Variants in PLEKHA7 observed in about 807,000 individuals in gnomAD.
The protein encoded by PLEKHA7 is pleckstrin homology domain-containing family A member 7.
In PLEKHA7, 104 loss-of-function variants were observed where a neutral mutation model predicts 170.0. The ratio of observed to expected loss-of-function variants is 0.61; its 90% CI spans 0.52 to 0.72. The LOEUF (loss-of-function observed/expected upper bound fraction) is 0.72. Ranked by LOEUF, PLEKHA7 falls within the 30% of genes least tolerant of loss-of-function variation. PLEKHA7 has a pLI of 0.00. For synonymous variants in PLEKHA7, 648 were observed against 660.8 expected, an observed-to-expected ratio of 0.98 and a Z score of 0.30; for missense variants, 1,615 against 1,671.7, an observed-to-expected ratio of 0.97 and a Z score of 0.59.
chr11:16,946,136 T>C (rs1310207231), intron 3 of PLEKHA7, among the ~76,000 whole-genome samples: 7 of 152,182 alleles, frequency 4.6e-5, no homozygotes, highest in Admixed American at 3.9e-4. Flanking sequence ...ACCCATGATC[T>C]TTCCCCGTCT....
chr11:16,845,060 G>GAGCCC (rs1318010100), intron 8 of PLEKHA7, among the ~76,000 whole-genome samples: 1 of 152,204 alleles, frequency 6.6e-6, no homozygotes, highest in Non-Finnish European at 1.5e-5. Context: ...GAGAACAGGG[G>GAGCCC]AGCCCAGCTT....
At chr11:16,838,628 C>T (rs565760582) in intron 9 of PLEKHA7, among the ~76,000 whole-genome samples, 71 of 148,686 alleles carry the variant, frequency 4.8e-4, no homozygotes, top group African/African-American at 1.7e-3. Flanking sequence ...AAAATTAAGA[C>T]ATAACATCAA....
At chr11:16,861,363 TAAA>T (rs11362528) in intron 4 of PLEKHA7, among the ~76,000 whole-genome samples, 1 of 145,092 alleles carries the variant, frequency 6.9e-6, no homozygotes. Context: ...CTATTAAAAT[TAAA>T]AAAAAAAAAA....
At chr11:16,849,250 T>A (rs1852719014) in intron 8 of PLEKHA7, among the ~76,000 whole-genome samples, 1 of 152,226 alleles carries the variant, frequency 6.6e-6, no homozygotes, top group African/African-American at 2.4e-5. Context: ...TTGCCTAGAA[T>A]CTACTTTCAC....
chr11:16,882,346 G>C (rs1430539642), intron 3 of PLEKHA7, among the ~76,000 whole-genome samples: 1 of 152,130 alleles, frequency 6.6e-6, no homozygotes, highest in African/African-American at 2.4e-5. Flanking sequence ...TTAAACCAAA[G>C]AAGCTCAAGC....
At chr11:16,956,136 G>A (rs1253024805) in intron 3 of PLEKHA7, among the ~76,000 whole-genome samples, 1 of 152,222 alleles carries the variant, frequency 6.6e-6, no homozygotes, top group Non-Finnish European at 1.5e-5. Context: ...TCTCATAACA[G>A]AGCAGCTCAG....
At chr11:16,905,040 T>C (rs1857566701) in intron 3 of PLEKHA7, among the ~76,000 whole-genome samples, 1 of 152,116 alleles carries the variant, frequency 6.6e-6, no homozygotes, top group African/African-American at 2.4e-5. Context: ...TTACTTGAGC[T>C]CAGGAGTTTG....
At position 16,791,551 on chromosome 11, in the gene PLEKHA7, C is replaced by T. The variant is rs1847857015; in HGVS notation, c.2746-352G>A. 2.0e-6 allele frequency: 1 copy of T among 497,918 alleles called. No homozygotes were observed. The highest frequency in any genetic ancestry group is 2.3e-5 in the Admixed American group (1 of 43,748). The allele number at this position is 497,918 out of a possible 1,614,324, so 30.8% of individuals were successfully genotyped here. ...GCACATCGCAGGCAGGCTGCTAACC[C>T]TGCCCTGACTTCCATGCTTATCACA... On this transcript the variant is annotated intron_variant, in intron 19 of 26. Transcript: ENST00000531066. The surrounding 1 kb of genome is among the most constrained non-coding windows in gnomAD (Gnocchi z 4.5).
At chr11:16,911,445 A>C (rs2136157391) in intron 3 of PLEKHA7, among the ~76,000 whole-genome samples, 1 of 152,326 alleles carries the variant, frequency 6.6e-6, no homozygotes, top group South Asian at 2.1e-4. Context: ...AGAAGGGGTA[A>C]GACTCAGGAC....
intron 3 of PLEKHA7, among the ~76,000 whole-genome samples, chr11:17,006,325 T>C (rs1419969993): frequency 1.7e-5 from 2 of 115,298 alleles, no homozygotes; most frequent in East Asian, 5.9e-4. Flanking sequence ...TGAAACTCCA[T>C]CTAAAAAAAA....
intron 3 of PLEKHA7, among the ~76,000 whole-genome samples, chr11:16,962,100 T>C (rs542013533): frequency 9.8e-5 from 15 of 152,352 alleles, no homozygotes; most frequent in African/African-American, 3.6e-4. Context: ...CCTAAAACAG[T>C]GCCCTGTGCT....
chr11:16,937,807 C>T (rs1860411866), intron 3 of PLEKHA7, among the ~76,000 whole-genome samples: 1 of 152,052 alleles, frequency 6.6e-6, no homozygotes, highest in African/African-American at 2.4e-5. Flanking sequence ...GGTGTTTCTC[C>T]ATGTTGGTCA....
chr11:16,854,770 TCAGA>T, intron 6 of PLEKHA7, 115 bp downstream of exon 6: 1 of 816,830 alleles, frequency 1.2e-6, no homozygotes, highest in Non-Finnish European at 2.0e-6. Flanking sequence ...TCCAGCTGCC[TCAGA>T]CAAACTCAGG....
chr11:16,849,636 G>GA (rs2135395775), intron 8 of PLEKHA7, among the ~76,000 whole-genome samples: 1 of 152,300 alleles, frequency 6.6e-6, no homozygotes, highest in East Asian at 1.9e-4. Flanking sequence ...TAAGAAAACT[G>GA]AAAGAGAACA....
At chr11:16,900,970 T>C (rs1857295438) in intron 3 of PLEKHA7, among the ~76,000 whole-genome samples, 1 of 151,878 alleles carries the variant, frequency 6.6e-6, no homozygotes, top group Non-Finnish European at 1.5e-5. Context: ...TCAGCCTCCC[T>C]AGTAGCTGGG....
intron 8 of PLEKHA7, among the ~76,000 whole-genome samples, chr11:16,846,926 C>T (rs1852454401): frequency 6.6e-6 from 1 of 151,992 alleles, no homozygotes; most frequent in African/African-American, 2.4e-5. Context: ...CAACCATTTA[C>T]AGTGCAGTGA....
chr11:16,889,633 A>G (rs1362359607), intron 3 of PLEKHA7, among the ~76,000 whole-genome samples: 1 of 151,838 alleles, frequency 6.6e-6, no homozygotes, highest in Non-Finnish European at 1.5e-5. Context: ...TGAAATGAAC[A>G]AAGCTTCTGA....
At chr11:16,868,436 G>A (rs746831450) in intron 4 of PLEKHA7, among the ~76,000 whole-genome samples, 1 of 152,162 alleles carries the variant, frequency 6.6e-6, no homozygotes, top group Non-Finnish European at 1.5e-5. Context: ...AGTCCTACCT[G>A]CCAACAGTGG....
intron 18 of PLEKHA7, 43 bp from the exon 19 acceptor site, chr11:16,794,757 A>T (rs770940405): frequency 6.3e-7 from 1 of 1,592,272 alleles, no homozygotes; most frequent in South Asian, 1.1e-5. Flanking sequence ...TGGAACAAAG[A>T]CCCCCTTCCT....
Sources: gnomAD v4.1 joint callset for allele counts (sites outside exome capture counted in the v4.1 genomes callset) on GRCh38, gnomAD v4.1.1 for gene constraint, Gnocchi (gnomAD v3.1) non-coding constraint, MANE v1.5 for transcripts, NCBI Gene and HGNC (gene_info 2026-07-23, HGNC 2026-07-21) for gene names.